The following XKR9 variants were observed in gnomAD, a reference collection of about 807,000 sequenced individuals.
XKR9 encodes the protein XK-related protein 9.
Under a neutral mutation model 32.0 loss-of-function variants are expected in XKR9, and 32 were observed. That is an observed-to-expected ratio of 1.00 (90% CI 0.76 to 1.34). The LOEUF (loss-of-function observed/expected upper bound fraction) is 1.34. Ranked by LOEUF, XKR9 falls within the 40% of genes most tolerant of loss-of-function variation. The pLI, the probability that XKR9 is intolerant of heterozygous loss-of-function variation, is 0.00. For missense variants in XKR9, 546 were observed against 429.7 expected, an observed-to-expected ratio of 1.27 and a Z score of -2.39; for synonymous variants, 168 against 143.4, an observed-to-expected ratio of 1.17 and a Z score of -1.22.
At chr8:70,856,619 G>T in the XKR9 span, among the ~76,000 whole-genome samples, 1 of 152,010 alleles carries the variant, frequency 6.6e-6, no homozygotes, top group South Asian at 2.1e-4. Flanking sequence ...TGCACCAAGC[G>T]GACCTAATAG....
downstream of XKR9, among the ~76,000 whole-genome samples, chr8:70,739,702 T>G (rs375895066): frequency 2.0e-5 from 3 of 152,128 alleles, no homozygotes; most frequent in African/African-American, 4.8e-5. Context: ...GTCTGTAAAG[T>G]ATTTTATTTC....
chr8:70,674,218 G>A (rs1818813907), intron 1 of XKR9, among the ~76,000 whole-genome samples: 1 of 152,160 alleles, frequency 6.6e-6, no homozygotes, highest in Non-Finnish European at 1.5e-5. Flanking sequence ...TACAGCTGAA[G>A]TGATGAGATT....
chr8:70,734,233 A>C lies in XKR9; in HGVS notation c.931A>C (p.Thr311Pro), dbSNP rs766499229. 24 of 1,612,910 alleles carry C rather than the reference A, an allele frequency of 1.5e-5. No homozygotes were observed. The highest frequency in any genetic ancestry group is 2.0e-5 in the Non-Finnish European group (24 of 1,179,430). Reference sequence around the variant, plus strand: ...GACTGTATTCTGGGTTTGCCCCCTCACTATTTTTAATCCAGACTATTTTAT... The same window carrying C: ...GACTGTATTCTGGGTTTGCCCCCTCCCTATTTTTAATCCAGACTATTTTAT... The part of the protein sequence containing the change: ...ILTVFWVCPL[T>P]IFNPDYFIPI... Residue 311 changes from threonine (T) to proline (P), a missense_variant, in exon 5 of 5, where the codon ACT becomes CCT. By Grantham distance (38) the Thr-to-Pro change is conservative. Transcript: ENST00000408926.
the XKR9 span, among the ~76,000 whole-genome samples, chr8:71,032,305 A>C: frequency 5.0e-5 from 7 of 140,844 alleles, no homozygotes; most frequent in South Asian, 2.2e-4. Context: ...AAAAAAAAAA[A>C]AAACCACTTT....
the XKR9 span, among the ~76,000 whole-genome samples, chr8:70,844,909 G>T: frequency 6.6e-6 from 1 of 152,178 alleles, no homozygotes; most frequent in African/African-American, 2.4e-5. Context: ...GGGGACCAAG[G>T]ATCTGCCTAC....
the XKR9 span, among the ~76,000 whole-genome samples, chr8:70,860,248 A>G: frequency 6.6e-6 from 1 of 152,116 alleles, no homozygotes; most frequent in South Asian, 2.1e-4. Context: ...AGAGGTAATT[A>G]GTTCATGAAG....
the XKR9 span, among the ~76,000 whole-genome samples, chr8:70,819,229 T>C: frequency 6.6e-6 from 1 of 152,236 alleles, no homozygotes; most frequent in Non-Finnish European, 1.5e-5. Flanking sequence ...GTCTAACTTA[T>C]TGATAAGATG....
At chr8:70,927,469 G>T in the XKR9 span, among the ~76,000 whole-genome samples, 1 of 152,266 alleles carries the variant, frequency 6.6e-6, no homozygotes, top group African/African-American at 2.4e-5. Context: ...CATGATTCTG[G>T]AGGCTGGGAA....
chr8:70,958,195 C>T, the XKR9 span, among the ~76,000 whole-genome samples: 1 of 152,244 alleles, frequency 6.6e-6, no homozygotes, highest in African/African-American at 2.4e-5. Flanking sequence ...AGAATGATTT[C>T]TATTCCTTTG....
chr8:70,961,828 T>C, the XKR9 span, among the ~76,000 whole-genome samples: 2 of 152,180 alleles, frequency 1.3e-5, no homozygotes, highest in Admixed American at 6.5e-5. Flanking sequence ...TTTTTGTGTG[T>C]GTTAAATAAG....
intron 2 of XKR9, among the ~76,000 whole-genome samples, chr8:70,766,498 T>C (rs955016282): frequency 1.3e-5 from 2 of 152,208 alleles, no homozygotes; most frequent in Admixed American, 1.3e-4. Flanking sequence ...GTTTTGGGAC[T>C]GAGATGATGG....
the XKR9 span, among the ~76,000 whole-genome samples, chr8:70,828,015 G>T: frequency 6.6e-6 from 1 of 151,940 alleles, no homozygotes; most frequent in Non-Finnish European, 1.5e-5. Flanking sequence ...TATGCTTTTT[G>T]CACAAGAATT....
intron 2 of XKR9, among the ~76,000 whole-genome samples, chr8:70,756,830 C>T (rs1807233033): frequency 6.6e-6 from 1 of 151,828 alleles, no homozygotes; most frequent in Admixed American, 6.6e-5. Flanking sequence ...ATTTGGATAC[C>T]TTTTATTTCT....
chr8:71,002,409 C>G, the XKR9 span, among the ~76,000 whole-genome samples: 1 of 151,108 alleles, frequency 6.6e-6, no homozygotes, highest in South Asian at 2.1e-4. Flanking sequence ...TTGTGTTTAT[C>G]TATATTATTT....
chr8:70,810,782 T>C, the XKR9 span, among the ~76,000 whole-genome samples: 1 of 152,184 alleles, frequency 6.6e-6, no homozygotes, highest in East Asian at 1.9e-4. Context: ...GCACCCAGAT[T>C]CATAAAGCAA....
chr8:70,970,138 C>T, the XKR9 span, among the ~76,000 whole-genome samples: 11 of 152,198 alleles, frequency 7.2e-5, no homozygotes, highest in East Asian at 1.7e-3. Context: ...TTTATCAGCT[C>T]GTTGATTGAT....
At chr8:71,045,673 A>T in the XKR9 span, among the ~76,000 whole-genome samples, 1 of 152,180 alleles carries the variant, frequency 6.6e-6, no homozygotes, top group Admixed American at 6.5e-5. Context: ...CCACAAGCCG[A>T]GTCATAGGCC....
the XKR9 span, among the ~76,000 whole-genome samples, chr8:70,932,699 G>T: frequency 2.6e-5 from 4 of 152,148 alleles, no homozygotes; most frequent in Non-Finnish European, 4.4e-5. Context: ...ACCTTCTGCT[G>T]TGTCCTCACA....
At chr8:70,891,356 T>C in the XKR9 span, among the ~76,000 whole-genome samples, 1 of 152,024 alleles carries the variant, frequency 6.6e-6, no homozygotes, top group African/African-American at 2.4e-5. Flanking sequence ...GTTCTTACTT[T>C]TCTAGCCCTT....
Sources: gnomAD v4.1 joint callset for allele counts (sites outside exome capture counted in the v4.1 genomes callset) on GRCh38, gnomAD v4.1.1 for gene constraint, MANE v1.5 for transcripts, NCBI Gene and HGNC (gene_info 2026-07-23, HGNC 2026-07-21) for gene names.